Variants in PI4K2B observed in about 807,000 individuals in gnomAD.
The protein encoded by PI4K2B is phosphatidylinositol 4-kinase type 2-beta.
A neutral mutation model predicts 56.6 loss-of-function variants in PI4K2B; 46 were observed. The observed-to-expected ratio is 0.81, with a 90% confidence interval of 0.64 to 1.04. PI4K2B has a LOEUF of 1.04. Among genes scored for constraint, PI4K2B ranks in the 50% least tolerant of loss-of-function variants. The probability of loss-of-function intolerance (pLI) is 0.00; values close to 1 mark genes in which losing one functional copy is unlikely to be tolerated. For synonymous variants in PI4K2B, 211 were observed against 223.8 expected, an observed-to-expected ratio of 0.94 and a Z score of 0.51; for missense variants, 556 against 607.7, an observed-to-expected ratio of 0.91 and a Z score of 0.89.
intron 9 of PI4K2B, among the ~76,000 whole-genome samples, chr4:25,273,212 C>T (rs1716973090): frequency 2.0e-5 from 3 of 151,792 alleles, no homozygotes; most frequent in Admixed American, 2.0e-4. Context: ...TATTAAATAG[C>T]AATAGGTCAT....
Position 25,268,458 on chromosome 4 carries a change from C to CTTGG in PI4K2B, c.1095_1098dup (p.Pro368AlafsTer10). The CTTGG allele has an allele frequency of 6.2e-7, 1 of 1,605,292 alleles. No individual in the cohort carries two copies. ...TTTCTATTAGATCCATTTCACTGGG[C>CTTGG]TTGGCTTCCTCAAGCAAAAGTTCCC... On this transcript the variant is annotated frameshift_variant, in exon 8 of 10. Coordinates refer to ENST00000264864, the MANE Select transcript of PI4K2B (RefSeq NM_018323.4). LOFTEE classifies it high-confidence loss of function.
intron 1 of PI4K2B, among the ~76,000 whole-genome samples, chr4:25,244,817 C>T (rs113892491): frequency 1.5e-4 from 23 of 152,298 alleles, no homozygotes; most frequent in African/African-American, 3.4e-4. Context: ...GAACCCGCAA[C>T]GGTCCCTGGA....
At chr4:25,244,687 G>A (rs543319556) in intron 1 of PI4K2B, among the ~76,000 whole-genome samples, 19 of 152,224 alleles carry the variant, frequency 1.2e-4, no homozygotes, top group African/African-American at 2.6e-4. Context: ...AGACAAAACC[G>A]CCTGCAGTTT....
At chr4:25,236,218 T>G (rs1326320214) in intron 1 of PI4K2B, among the ~76,000 whole-genome samples, 1 of 32,686 alleles carries the variant, frequency 3.1e-5, no homozygotes, top group Non-Finnish European at 1.2e-4. Flanking sequence ...AATAAATAAA[T>G]AAATAAATAA....
At chr4:25,262,609 T>C (rs1329311646) in intron 6 of PI4K2B, among the ~76,000 whole-genome samples, 2 of 152,348 alleles carry the variant, frequency 1.3e-5, no homozygotes, top group Non-Finnish European at 2.9e-5. Context: ...GCCATCTATC[T>C]TTAATCAGAA....
chr4:25,276,160 A>G (rs966352106), intron 9 of PI4K2B, among the ~76,000 whole-genome samples: 2 of 152,204 alleles, frequency 1.3e-5, no homozygotes, highest in African/African-American at 2.4e-5. Context: ...ACAAGAAAGG[A>G]CATTTTTCCT....
chr4:25,240,863 C>T (rs1715487059), intron 1 of PI4K2B, among the ~76,000 whole-genome samples: 1 of 152,016 alleles, frequency 6.6e-6, no homozygotes, highest in Non-Finnish European at 1.5e-5. Flanking sequence ...GTTTCTTCCT[C>T]TCTCTGTCTC....
In PI4K2B at chr4:25,234,372, A is replaced by T. The variant is rs1163172823; in HGVS notation, c.209A>T (p.Asp70Val). 14 of 1,404,648 alleles carry T rather than the reference A, an allele frequency of 1.0e-5. No homozygotes were observed. The Admixed American group carries it at 1.6e-4, about 16-fold the overall frequency. The allele number at this position is 1,404,648 out of a possible 1,614,324, so 87.0% of individuals were successfully genotyped here. The change falls in exon 1 of 10, where the codon GAC becomes GTC. Residue 70 changes from aspartate to valine, a missense_variant. Physicochemically the swap from Asp to Val is radical, Grantham distance 152. Coordinates refer to ENST00000264864, the MANE Select transcript of PI4K2B (RefSeq NM_018323.4). ...GAGGAGCTGCCCCTCCCGCCCGGGGACGTGGGGGTCTCCCGGAGTTCGTCC... is the reference window on the plus strand; with the variant it reads ...GAGGAGCTGCCCCTCCCGCCCGGGGTCGTGGGGGTCTCCCGGAGTTCGTCC... ...GDEELPLPPGDVGVSRSSSAE... is the reference protein window; with the variant it reads ...GDEELPLPPGVVGVSRSSSAE...
intron 6 of PI4K2B, among the ~76,000 whole-genome samples, chr4:25,263,291 G>A (rs1716545783): frequency 6.6e-6 from 1 of 151,924 alleles, no homozygotes; most frequent in African/African-American, 2.4e-5. Context: ...TTTAATTATG[G>A]TCTTTGAAGG....
At position 25,234,201 on chromosome 4, in the gene PI4K2B, C is replaced by T. The variant is rs938782464; in HGVS notation, c.38C>T (p.Ala13Val). 1.4e-6 allele frequency: 2 copies of T among 1,405,362 alleles called. No individual in the cohort carries two copies. Among genetic ancestry groups the T allele is most frequent in the Non-Finnish European group, 1.9e-6 (2 of 1,079,178 alleles). 87.1% of individuals were successfully genotyped at this position (1,405,362 alleles called of 1,614,324 possible). The change falls in exon 1 of 10, where the codon GCG (alanine) becomes GTG (valine). Residue 13 changes from alanine (A) to valine (V), a missense_variant. Ala to Val is a moderately conservative substitution (Grantham distance 64, BLOSUM62 0). Coordinates refer to ENST00000264864, the MANE Select transcript of PI4K2B (RefSeq NM_018323.4). ...TCCGAGCCCGACCGGTTGGCGTCCG[C>T]GGACGGCGGGAGCCCGGAGGAGGAG... ...DPSEPDRLAS[A>V]DGGSPEEEED... is the part of the protein sequence containing the mutation.
rs551154975 is a variant in PI4K2B, at chr4:25,245,450, A to AGTT, written c.269-6866_269-6864dup. ...CCGCTCATGGCCGCAGGGTCAACCA[A>AGTT]GTTGTTGGTACCTGCGGAGCTGCAT... On this transcript the variant is annotated intron_variant, in intron 1 of 9. Coordinates refer to ENST00000264864, the MANE Select transcript of PI4K2B (RefSeq NM_018323.4). 1.2e-3 allele frequency among the ~76,000 whole-genome samples: 177 copies of AGTT among 152,190 alleles called. 2 individuals carry two copies. In the South Asian group the frequency reaches 0.021, roughly 18 times the overall value.
intron 9 of PI4K2B, among the ~76,000 whole-genome samples, chr4:25,274,720 A>T (rs1347841476): frequency 1.3e-5 from 2 of 152,120 alleles, no homozygotes; most frequent in Non-Finnish European, 2.9e-5. Flanking sequence ...TTAATAGGTT[A>T]ATTTCAGGAT....
At chr4:25,234,656 A>C (rs1187789591) in intron 1 of PI4K2B, among the ~76,000 whole-genome samples, 1 of 152,240 alleles carries the variant, frequency 6.6e-6, no homozygotes, top group African/African-American at 2.4e-5. Flanking sequence ...AGTGGTTGTC[A>C]TTAAACCGAT....
intron 9 of PI4K2B, among the ~76,000 whole-genome samples, chr4:25,274,541 C>G (rs1717027927): frequency 6.6e-6 from 1 of 152,088 alleles, no homozygotes; most frequent in Admixed American, 6.5e-5. Context: ...ACAAGTATTG[C>G]AATTACTTGT....
In PI4K2B at chr4:25,277,282, A is replaced by G; in HGVS notation, c.*95A>G. 2 of 1,373,628 alleles carry G rather than the reference A, an allele frequency of 1.5e-6. No homozygotes were observed. The highest frequency in any genetic ancestry group is 1.9e-6 in the Non-Finnish European group (2 of 1,044,614). The allele number at this position is 1,373,628 out of a possible 1,614,324, so 85.1% of individuals were successfully genotyped here. On this transcript the variant is annotated 3_prime_UTR_variant, in exon 10 of 10. Transcript: ENST00000264864. ...TCTGCTGTTAGGAGCTCCAGTTGCTAAAACCTCAATTTAAGTCTTTAAAAG... is the reference window on the plus strand; with the variant it reads ...TCTGCTGTTAGGAGCTCCAGTTGCTGAAACCTCAATTTAAGTCTTTAAAAG...
intron 7 of PI4K2B, 142 bp from the exon 8 acceptor site, chr4:25,268,301 A>C (rs1716738425): frequency 1.6e-6 from 1 of 619,888 alleles, no homozygotes; most frequent in East Asian, 3.0e-5. Context: ...TTTGGATTGC[A>C]GTGGGTAGTT....
intron 6 of PI4K2B, 42 bp from the exon 7 acceptor site, chr4:25,263,708 A>T: frequency 1.4e-6 from 1 of 734,062 alleles, no homozygotes; most frequent in Non-Finnish European, 2.4e-6. Flanking sequence ...GGGAATATTT[A>T]TATAGGTTCT....
intron 9 of PI4K2B, chr4:25,276,615 G>A: frequency 1.0e-6 from 1 of 977,558 alleles, no homozygotes; most frequent in Non-Finnish European, 1.2e-6. Context: ...TGAATGAATG[G>A]ATAAGGCAAG....
chr4:25,269,951 C>T lies in PI4K2B; in HGVS notation c.1272+748C>T, dbSNP rs965845191. ...CAGGATGGTCTCGATCTCCTGACCT[C>T]GTGATCTGCCCGCCTCAGCCTCCCA... On this transcript the variant is annotated intron_variant, in intron 9 of 9. Transcript: ENST00000264864. Among the ~76,000 whole-genome samples, 5 of 151,908 alleles carry T rather than the reference C, an allele frequency of 3.3e-5. No homozygotes were observed. In the South Asian group the frequency reaches 8.3e-4, roughly 25 times the overall value.
Sources: gnomAD v4.1 joint callset for allele counts (sites outside exome capture counted in the v4.1 genomes callset) on GRCh38, gnomAD v4.1.1 for gene constraint, MANE v1.5 for transcripts, NCBI Gene and HGNC (gene_info 2026-07-23, HGNC 2026-07-21) for gene names.